The following MMP24 variants were observed in gnomAD, a reference collection of about 807,000 sequenced individuals.
MMP24 encodes the protein matrix metallopeptidase 24, also known as matrix metalloproteinase-24.
MMP24 carries 25 observed loss-of-function variants against 62.8 expected under a neutral mutation model. That is an observed-to-expected ratio of 0.40 (90% CI 0.29 to 0.56). MMP24 has a LOEUF of 0.56. MMP24 is among the 20% of genes least tolerant of loss of function. The pLI, the probability that MMP24 is intolerant of heterozygous loss-of-function variation, is 0.50. For missense variants in MMP24, 634 were observed against 853.6 expected (o/e 0.74, Z 3.21); for synonymous variants, 319 against 350.5 (o/e 0.91, Z 1.00).
intron 4 of MMP24, chr20:35,262,716 G>A (rs972918260): frequency 6.2e-5 from 9 of 145,282 alleles, no homozygotes; most frequent in African/African-American, 1.7e-4. Flanking sequence ...CCCTTCCCAC[G>A]AGGCCATATT....
rs1313482681 is a variant in MMP24 at position 35,274,309 on chromosome 20, G to A, written c.1638G>A (p.Lys546=). Residue 546 remains lysine, a synonymous_variant, in exon 9 of 9, where the codon AAG becomes AAA. Coordinates refer to ENST00000246186, the MANE Select transcript of MMP24 (RefSeq NM_006690.4). The surrounding 1 kb of genome is among the most constrained non-coding windows in gnomAD (Gnocchi z 5.1). Reference sequence around the variant, plus strand: ...TCTACAAGGGCCGGGACTACTGGAAGTTTGACAACCAGAAACTGAGCGTGG... The same window carrying A: ...TCTACAAGGGCCGGGACTACTGGAAATTTGACAACCAGAAACTGAGCGTGG... ...TYFYKGRDYW[K]FDNQKLSVEP... is the part of the protein sequence containing the mutation. The A allele has an allele frequency of 6.2e-7, 1 of 1,613,160 alleles. No individual in the cohort carries two copies. The highest frequency in any genetic ancestry group is 1.3e-5 in the African/African-American group (1 of 74,942).
intron 1 of MMP24, among the ~76,000 whole-genome samples, chr20:35,234,439 T>C (rs1423800015): frequency 6.6e-6 from 1 of 152,254 alleles, no homozygotes; most frequent in East Asian, 1.9e-4. Context: ...AAACCATTAT[T>C]TATAATGTAA....
intron 1 of MMP24, among the ~76,000 whole-genome samples, chr20:35,246,403 G>A (rs745723898): frequency 2.6e-5 from 4 of 152,138 alleles, no homozygotes; most frequent in Non-Finnish European, 4.4e-5. Context: ...CTTGAACCCC[G>A]GAGGCGGAGG....
Position 35,276,349 on chromosome 20 carries a change from G to A in MMP24, c.*1740G>A, listed in dbSNP as rs550435854. On this transcript the variant is annotated 3_prime_UTR_variant, in exon 9 of 9. Coordinates refer to ENST00000246186, the MANE Select transcript of MMP24 (RefSeq NM_006690.4). ...TATTAGTGATTCATAGGTTTGTACA[G>A]TGTTTTATACTTTGCAAAGCACTTT... 2 of 399,056 alleles carry A rather than the reference G, an allele frequency of 5.0e-6. No individual in the cohort carries two copies. Among genetic ancestry groups the A allele is most frequent in the South Asian group, 1.3e-4 (1 of 7,834 alleles). 24.7% of individuals were successfully genotyped at this position (399,056 alleles called of 1,614,324 possible).
At position 35,271,715 on chromosome 20, in the gene MMP24, G is replaced by T; in HGVS notation, c.1480G>T (p.Glu494Ter). 6.2e-7 allele frequency: 1 copy of T among 1,606,746 alleles called. No individual in the cohort carries two copies. The highest frequency in any genetic ancestry group is 8.5e-7 in the Non-Finnish European group (1 of 1,176,900). Reference sequence around the variant, plus strand: ...GGGCAAGACCTACTTTTTCAAAGGCGAGCGGTACTGGCGCTACAGCGAGGA... The same window carrying T: ...GGGCAAGACCTACTTTTTCAAAGGCTAGCGGTACTGGCGCTACAGCGAGGA... ...PVGKTYFFKG[E>*]RYWRYSEERR... The change falls in exon 8 of 9, where the codon GAG (glutamate) becomes TAG (stop). Residue 494 changes from glutamate to a stop codon, truncating the protein, a stop_gained. Transcript: ENST00000246186. LOFTEE classifies it high-confidence loss of function. This position sits in a 1 kb window ranked among gnomAD's most constrained non-coding sequence, Gnocchi z 4.0.
rs1255886891 is a variant in MMP24, at chr20:35,275,678, C to T, written c.*1069C>T. On this transcript the variant is annotated 3_prime_UTR_variant, in exon 9 of 9. Transcript: ENST00000246186. ...GCCTGGGAGTCCTTCGGAAGGGGACCAGGGCGTCTGAAGTGCTCAGTGCCC... is the reference window on the plus strand; with the variant it reads ...GCCTGGGAGTCCTTCGGAAGGGGACTAGGGCGTCTGAAGTGCTCAGTGCCC... The T allele has an allele frequency of 1.9e-5, 4 of 209,244 alleles. No individual in the cohort carries two copies. The highest frequency in any genetic ancestry group is 2.0e-4 in the East Asian group (2 of 10,040). 13.0% of individuals were successfully genotyped at this position (209,244 alleles called of 1,614,324 possible). A position where few individuals can be genotyped will look rare whatever the true frequency, so the allele number is the denominator to read the frequency against.
At chr20:35,233,511 ATAT>A (rs775144405) in intron 1 of MMP24, among the ~76,000 whole-genome samples, 1 of 152,222 alleles carries the variant, frequency 6.6e-6, no homozygotes, top group Non-Finnish European at 1.5e-5. Flanking sequence ...TTTCCAATAT[ATAT>A]TGTTATTTTA....
Position 35,247,068 on chromosome 20 carries a change from C to T in MMP24, c.395+80C>T, listed in dbSNP as rs1019707214. The T allele has an allele frequency of 2.7e-6, 4 of 1,487,146 alleles. No homozygotes were observed. The Admixed American group carries it at 6.9e-5, about 26-fold the overall frequency. The allele number at this position is 1,487,146 out of a possible 1,614,324, so 92.1% of individuals were successfully genotyped here. ...TCACATTTGTCATGGCCTGTGTACA[C>T]CCCATGCCCATCCTCCCTTCCTATC... On this transcript the variant is annotated intron_variant, in intron 2 of 8. Coordinates refer to ENST00000246186, the MANE Select transcript of MMP24 (RefSeq NM_006690.4).
chr20:35,242,930 C>T (rs2060496192), intron 1 of MMP24, among the ~76,000 whole-genome samples: 1 of 152,208 alleles, frequency 6.6e-6, no homozygotes, highest in Non-Finnish European at 1.5e-5. Context: ...GTAATCCCAG[C>T]ACTTTGGGAG....
Position 35,269,987 on chromosome 20 carries a change from G to A in MMP24, c.1333+89G>A. ...CTAAACTGGAAGAGGCGGGGTGGGA[G>A]GCAGATGTCCTCAGAGGGCCCCTCT... On this transcript the variant is annotated intron_variant, in intron 7 of 8. Transcript: ENST00000246186. This position sits in a 1 kb window ranked among gnomAD's most constrained non-coding sequence, Gnocchi z 4.6. The A allele has an allele frequency of 1.3e-6, 2 of 1,490,988 alleles. No individual in the cohort carries two copies. Among genetic ancestry groups the A allele is most frequent in the Non-Finnish European group, 1.8e-6 (2 of 1,106,192 alleles). 92.4% of individuals were successfully genotyped at this position (1,490,988 alleles called of 1,614,324 possible).
intron 4 of MMP24, chr20:35,262,984 C>A (rs1422480145): frequency 1.3e-5 from 2 of 152,324 alleles, no homozygotes; most frequent in Admixed American, 1.3e-4. Context: ...TTAACAGAAT[C>A]TCAAGGCAGA....
At chr20:35,242,360 T>G (rs868637926) in intron 1 of MMP24, among the ~76,000 whole-genome samples, 2 of 151,778 alleles carry the variant, frequency 1.3e-5, no homozygotes, top group South Asian at 2.1e-4. Context: ...AAAATTAAAT[T>G]TAAAAAAAGC....
At chr20:35,263,743 C>T in intron 4 of MMP24, 48 bp from the exon 5 acceptor site, 1 of 1,432,730 alleles carries the variant, frequency 7.0e-7, no homozygotes, top group Non-Finnish European at 9.2e-7. Context: ...CTGACCGACT[C>T]ATATCTAAGC....
intron 1 of MMP24, among the ~76,000 whole-genome samples, chr20:35,227,628 C>G (rs1381519134): frequency 6.6e-6 from 1 of 151,970 alleles, no homozygotes; most frequent in Admixed American, 6.6e-5. Flanking sequence ...TAAAAGCTCT[C>G]GGAGGGGATT....
At position 35,267,400 on chromosome 20, in the gene MMP24, G is replaced by T. The variant is rs1415033441; in HGVS notation, c.1175G>T (p.Gly392Val). ...GNFNTVALFRGEMFVFKDRWF... is the reference protein window; with the variant it reads ...GNFNTVALFRVEMFVFKDRWF... ...TTCAACACAGTGGCCCTCTTCCGGG[G>T]CGAGATGTTTGTCTTTAAGGTAGGG... The change falls in exon 6 of 9, where the codon GGC becomes GTC. Residue 392 changes from glycine (G) to valine (V), a missense_variant. Gly to Val is a moderately radical substitution (Grantham distance 109). Transcript: ENST00000246186. The T allele has an allele frequency of 6.4e-7, 1 of 1,559,424 alleles. No individual in the cohort carries two copies.
chr20:35,227,308 C>A (rs2060418654), intron 1 of MMP24, among the ~76,000 whole-genome samples: 1 of 151,716 alleles, frequency 6.6e-6, no homozygotes, highest in African/African-American at 2.4e-5. Flanking sequence ...CCGTACAACG[C>A]CTCGGAGTAA....
chr20:35,232,777 G>A (rs186717956), intron 1 of MMP24, among the ~76,000 whole-genome samples: 15 of 152,302 alleles, frequency 9.8e-5, no homozygotes, highest in Admixed American at 9.8e-4. Flanking sequence ...GCTGGAGAGG[G>A]AGACTGAGAG....
chr20:35,230,352 G>C (rs531971998), intron 1 of MMP24, among the ~76,000 whole-genome samples: 54 of 152,220 alleles, frequency 3.5e-4, no homozygotes, highest in African/African-American at 1.2e-3. Context: ...CTTAGGCAAG[G>C]CTTTCTTGAC....
At position 35,269,937 on chromosome 20, in the gene MMP24, G is replaced by A; in HGVS notation, c.1333+39G>A. Reference sequence around the variant, plus strand: ...TGCTGTGGGACAGTTCCCTGCCCAAGGTCTTGGGACCTCCTTTTTCCCATC... The same window carrying A: ...TGCTGTGGGACAGTTCCCTGCCCAAAGTCTTGGGACCTCCTTTTTCCCATC... On this transcript the variant is annotated intron_variant, in intron 7 of 8. Transcript: ENST00000246186. The surrounding 1 kb of genome is among the most constrained non-coding windows in gnomAD (Gnocchi z 4.6). 1 of 1,550,480 alleles carries A rather than the reference G, an allele frequency of 6.4e-7. No homozygotes were observed. Among genetic ancestry groups the A allele is most frequent in the Non-Finnish European group, 8.7e-7 (1 of 1,146,188 alleles).
Sources: allele counts gnomAD v4.1 joint callset (sites outside exome capture counted in the v4.1 genomes callset), GRCh38; gene constraint gnomAD v4.1.1; non-coding constraint Gnocchi (gnomAD v3.1); transcripts MANE v1.5; gene names NCBI Gene and HGNC (gene_info 2026-07-23, HGNC 2026-07-21).